The following SHTN1 variants were observed in gnomAD, a reference collection of about 807,000 sequenced individuals.
SHTN1 encodes the protein shootin-1.
In SHTN1, 42 loss-of-function variants were observed where a neutral mutation model predicts 83.1. The observed-to-expected ratio is 0.51, with a 90% CI of 0.39 to 0.65. The LOEUF (loss-of-function observed/expected upper bound fraction) is 0.65. Ranked by LOEUF, SHTN1 falls within the 30% of genes least tolerant of loss-of-function variation. The pLI, the probability that SHTN1 is intolerant of heterozygous loss-of-function variation, is 0.00. For synonymous variants in SHTN1, 224 were observed against 247.7 expected (o/e 0.90, Z 0.90); for missense variants, 622 against 737.8 (o/e 0.84, Z 1.82).
chr10:116,918,525 T>A (rs985693717), intron 12 of SHTN1, among the ~76,000 whole-genome samples: 13 of 152,264 alleles, frequency 8.5e-5, no homozygotes, highest in African/African-American at 3.1e-4. Context: ...TACATTATAG[T>A]CGAATTAAGT....
chr10:116,950,449 T>C (rs1455027139), intron 6 of SHTN1, among the ~76,000 whole-genome samples: 1 of 152,236 alleles, frequency 6.6e-6, no homozygotes. Flanking sequence ...ATTACAGGCG[T>C]GAGCCACTGA....
At chr10:116,931,158 C>A (rs375151423) in intron 9 of SHTN1, among the ~76,000 whole-genome samples, 20 of 146,494 alleles carry the variant, frequency 1.4e-4, no homozygotes, top group African/African-American at 4.7e-4. Context: ...AAAGGAAAGG[C>A]TTTCGATTCA....
intron 1 of SHTN1, among the ~76,000 whole-genome samples, chr10:117,065,791 A>G (rs1464483513): frequency 1.4e-4 from 2 of 14,812 alleles, no homozygotes; most frequent in African/African-American, 2.3e-4. Flanking sequence ...AAAGGAAGGA[A>G]GGAAGGAAGG....
At chr10:116,995,938 T>C (rs530175562) in intron 1 of SHTN1, among the ~76,000 whole-genome samples, 7 of 152,166 alleles carry the variant, frequency 4.6e-5, no homozygotes, top group Admixed American at 2.6e-4. Context: ...AATCTGATGT[T>C]GAGTCCTAAG....
intron 7 of SHTN1, among the ~76,000 whole-genome samples, chr10:116,946,603 TG>T (rs1261939556): frequency 0.11 from 12,959 of 117,566 alleles, 149 homozygotes; most frequent in East Asian, 0.17. Flanking sequence ...ATATATAAAA[TG>T]ATTTATATAT....
intron 2 of SHTN1, among the ~76,000 whole-genome samples, chr10:117,025,845 G>T (rs1589901014): frequency 6.6e-6 from 1 of 152,242 alleles, no homozygotes; most frequent in East Asian, 1.9e-4. Flanking sequence ...TGAAGGAAAG[G>T]ATGCAGTCCT....
chr10:117,122,038 T>A (rs144351843), intron 1 of SHTN1, among the ~76,000 whole-genome samples: 1 of 151,812 alleles, frequency 6.6e-6, no homozygotes, highest in Non-Finnish European at 1.5e-5. Flanking sequence ...TCTCAAAAAA[T>A]AAAAATAAAA....
At chr10:117,112,532 A>C (rs1401393138) in intron 1 of SHTN1, among the ~76,000 whole-genome samples, 1 of 152,234 alleles carries the variant, frequency 6.6e-6, no homozygotes, top group Non-Finnish European at 1.5e-5. Flanking sequence ...TTGTTTCATT[A>C]AGGATTCACA....
At chr10:117,115,200 C>T (rs1853829056) in intron 1 of SHTN1, among the ~76,000 whole-genome samples, 1 of 152,194 alleles carries the variant, frequency 6.6e-6, no homozygotes, top group Admixed American at 6.5e-5. Context: ...CCAGTATGGG[C>T]TCTGAAGTCA....
rs1852271965 is a variant in SHTN1 at position 117,022,152 on chromosome 10, A to T, written c.-123+26293T>A. On this transcript the variant is annotated intron_variant, in intron 2 of 17. Transcript: ENST00000392901. ...CTATATATAGTCTGCCTGAATCTCT[A>T]ACGTGATACACCATCCAATAAAATA... 4.6e-5 allele frequency among the ~76,000 whole-genome samples: 7 copies of T among 152,164 alleles called. No homozygotes were observed. In the South Asian group the frequency reaches 1.5e-3, roughly 32 times the overall value.
At chr10:117,108,728 A>G (rs1853714085) in intron 1 of SHTN1, among the ~76,000 whole-genome samples, 1 of 152,176 alleles carries the variant, frequency 6.6e-6, no homozygotes, top group African/African-American at 2.4e-5. Flanking sequence ...AACAAGAAAA[A>G]AAAAGAAAAA....
intron 1 of SHTN1, among the ~76,000 whole-genome samples, chr10:117,069,405 G>C (rs1258917084): frequency 6.6e-6 from 1 of 152,042 alleles, no homozygotes; most frequent in Non-Finnish European, 1.5e-5. Context: ...CTGAAGGGGA[G>C]GTGAGGAGAG....
Position 117,039,577 on chromosome 10 carries a change from G to A in SHTN1, c.-123+8868C>T, listed in dbSNP as rs1006376738. On this transcript the variant is annotated intron_variant, in intron 2 of 17. Coordinates refer to the SHTN1 transcript ENST00000392901. ...ATGTTAAAAATGGGGAATCTCGGCC[G>A]GGCGCAGTGGCTCACGCCTATAATC... Among the ~76,000 whole-genome samples the A allele has an allele frequency of 7.2e-5, 11 of 152,110 alleles. 1 individual carries two copies. The highest frequency in any genetic ancestry group is 6.2e-4 in the South Asian group (3 of 4,820).
chr10:116,916,704 T>C (rs1174158743), intron 12 of SHTN1, among the ~76,000 whole-genome samples: 1 of 152,150 alleles, frequency 6.6e-6, no homozygotes, highest in Non-Finnish European at 1.5e-5. Flanking sequence ...CAACCCTGGG[T>C]AGCCATTCCT....
chr10:117,086,154 G>A (rs915962685), intron 1 of SHTN1, among the ~76,000 whole-genome samples: 5 of 152,206 alleles, frequency 3.3e-5, no homozygotes, highest in East Asian at 3.9e-4. Flanking sequence ...TCCTGACCTC[G>A]TGATCTGCCC....
chr10:116,984,200 C>T (rs1471871103), intron 1 of SHTN1, among the ~76,000 whole-genome samples: 2 of 152,166 alleles, frequency 1.3e-5, no homozygotes, highest in African/African-American at 4.8e-5. Flanking sequence ...GTATTTCCAA[C>T]CAATACTTAC....
chr10:116,997,475 GT>G (rs1345798830), intron 1 of SHTN1, among the ~76,000 whole-genome samples: 2 of 152,132 alleles, frequency 1.3e-5, no homozygotes, highest in Non-Finnish European at 2.9e-5. Context: ...GACTATGACA[GT>G]TTCTCAGACT....
intron 14 of SHTN1, among the ~76,000 whole-genome samples, chr10:116,909,661 C>A (rs893291859): frequency 6.6e-6 from 1 of 152,162 alleles, no homozygotes; most frequent in Non-Finnish European, 1.5e-5. Context: ...AATACTGAGA[C>A]ATTAAAAATT....
chr10:117,039,811 C>T (rs1852556893), intron 2 of SHTN1, among the ~76,000 whole-genome samples: 1 of 150,262 alleles, frequency 6.7e-6, no homozygotes, highest in Admixed American at 6.7e-5. Flanking sequence ...CAAGATTGCG[C>T]CCCTGCACTC....
Sources: gnomAD v4.1 joint callset for allele counts (sites outside exome capture counted in the v4.1 genomes callset) on GRCh38, gnomAD v4.1.1 for gene constraint, MANE v1.5 for transcripts, NCBI Gene and HGNC (gene_info 2026-07-23, HGNC 2026-07-21) for gene names.